Variants in PTPN13 observed in about 807,000 individuals in gnomAD.
The protein encoded by PTPN13 is protein tyrosine phosphatase non-receptor type 13, also known as tyrosine-protein phosphatase non-receptor type 13.
PTPN13 carries 191 observed loss-of-function variants against 284.0 expected under a neutral mutation model. The ratio of observed to expected loss-of-function variants is 0.67; its 90% CI spans 0.60 to 0.76. The LOEUF is 0.76. PTPN13 is among the 30% of genes least tolerant of loss of function. The pLI is 0.00. For synonymous variants in PTPN13, 986 were observed against 1,022.3 expected (o/e 0.96, Z 0.68); for missense variants, 2,797 against 2,939.9 (o/e 0.95, Z 1.12).
intron 1 of PTPN13, among the ~76,000 whole-genome samples, chr4:86,615,719 A>T (rs1332854181): frequency 6.6e-6 from 1 of 152,172 alleles, no homozygotes; most frequent in Non-Finnish European, 1.5e-5. Context: ...TAGAAGGTAC[A>T]TATATGATAC....
At chr4:86,695,544 C>G (rs1006820343) in intron 6 of PTPN13, among the ~76,000 whole-genome samples, 11 of 151,932 alleles carry the variant, frequency 7.2e-5, no homozygotes, top group Admixed American at 6.6e-4. Context: ...CAATAGCAAG[C>G]TGAAATAATC....
rs1432527539 is a variant in PTPN13, at chr4:86,625,708, G to A, written c.-5-9544G>A. On this transcript the variant is annotated intron_variant, in intron 1 of 47. Coordinates refer to ENST00000411767, the MANE Select transcript of PTPN13 (RefSeq NM_080683.3). ...ATTGTAGGACCTTTTCTTCCTGGTC[G>A]TTGGCTGGGATACACTTTTGGCTCC... Among the ~76,000 whole-genome samples the A allele has an allele frequency of 1.2e-4, 19 of 152,070 alleles. 1 individual carries two copies. Among genetic ancestry groups the A allele is most frequent in the Admixed American group, 8.5e-4 (13 of 15,262 alleles).
chr4:86,613,165 C>T lies in PTPN13; in HGVS notation c.-6+18376C>T, dbSNP rs547908848. Among the ~76,000 whole-genome samples the T allele has an allele frequency of 3.9e-5, 6 of 152,274 alleles. No individual in the cohort carries two copies. The South Asian group carries it at 1.0e-3, about 26-fold the overall frequency. On this transcript the variant is annotated intron_variant, in intron 1 of 47. Transcript: ENST00000411767. Reference sequence around the variant, plus strand: ...AAGTGCAGTAATGAAATAATAATGGCTAACATTTTGACTACTTACTGTGGG... The same window carrying T: ...AAGTGCAGTAATGAAATAATAATGGTTAACATTTTGACTACTTACTGTGGG...
intron 2 of PTPN13, among the ~76,000 whole-genome samples, chr4:86,669,688 A>C (rs1202349983): frequency 1.3e-5 from 2 of 152,054 alleles, no homozygotes; most frequent in Non-Finnish European, 2.9e-5. Flanking sequence ...GAAAAGGAAG[A>C]ATGTAGCAAG....
In PTPN13 at chr4:86,741,529, A is replaced by G. The variant is rs904780053; in HGVS notation, c.2305-105A>G. On this transcript the variant is annotated intron_variant, in intron 15 of 47. Coordinates refer to ENST00000411767, the MANE Select transcript of PTPN13 (RefSeq NM_080683.3). The stretch of plus-strand genomic sequence containing the variant: ...CTCCCATAACATGTGGGAATTCAAG[A>G]TGAGATTTGTGGGGGGACACGGCCA... 4 of 981,656 alleles carry G rather than the reference A, an allele frequency of 4.1e-6. No homozygotes were observed. The African/African-American group carries it at 6.5e-5, about 16-fold the overall frequency. 60.8% of individuals were successfully genotyped at this position (981,656 alleles called of 1,614,324 possible). A position where few individuals can be genotyped will look rare whatever the true frequency, so the allele number is the denominator to read the frequency against.
chr4:86,612,739 G>A (rs2148626312), intron 1 of PTPN13, among the ~76,000 whole-genome samples: 1 of 152,254 alleles, frequency 6.6e-6, no homozygotes, highest in South Asian at 2.1e-4. Flanking sequence ...AGGAAATTGG[G>A]TTACGTACAG....
At chr4:86,672,636 T>C in intron 3 of PTPN13, 93 bp downstream of exon 3, 1 of 1,008,446 alleles carries the variant, frequency 9.9e-7, no homozygotes, top group South Asian at 2.0e-5. Context: ...CTCTGAAAAA[T>C]CTATTGAGTT....
intron 1 of PTPN13, among the ~76,000 whole-genome samples, chr4:86,611,681 A>G (rs1383474672): frequency 3.3e-5 from 5 of 152,322 alleles, no homozygotes; most frequent in Admixed American, 2.6e-4. Flanking sequence ...GCTGCGGCAT[A>G]TGGTGGGAGA....
At chr4:86,780,230 C>T (rs1421415803) in intron 35 of PTPN13, among the ~76,000 whole-genome samples, 172 bp from the exon 36 acceptor site, 1 of 152,088 alleles carries the variant, frequency 6.6e-6, no homozygotes, top group Non-Finnish European at 1.5e-5. Context: ...AAAACCCCAT[C>T]TCTACAAAAA....
intron 15 of PTPN13, among the ~76,000 whole-genome samples, chr4:86,736,272 C>A (rs893144424): frequency 1.3e-5 from 2 of 152,140 alleles, no homozygotes; most frequent in East Asian, 1.9e-4. Context: ...AGACCTATAA[C>A]CAGCTTTCTA....
At chr4:86,737,871 G>A (rs1735707599) in intron 15 of PTPN13, among the ~76,000 whole-genome samples, 1 of 152,040 alleles carries the variant, frequency 6.6e-6, no homozygotes, top group African/African-American at 2.4e-5. Context: ...TGGGACTACA[G>A]GCACATGCCA....
chr4:86,634,388 T>C (rs369603511), intron 1 of PTPN13, among the ~76,000 whole-genome samples: 1 of 152,192 alleles, frequency 6.6e-6, no homozygotes, highest in African/African-American at 2.4e-5. Context: ...ATTTTCCTCT[T>C]TTAACATGAA....
intron 3 of PTPN13, among the ~76,000 whole-genome samples, chr4:86,676,711 CA>C (rs1728312122): frequency 6.6e-6 from 1 of 152,092 alleles, no homozygotes; most frequent in East Asian, 1.9e-4. Flanking sequence ...TCACATGCTA[CA>C]ATATGGATGA....
chr4:86,692,595 C>G (rs1730144553), intron 5 of PTPN13, among the ~76,000 whole-genome samples: 4 of 152,150 alleles, frequency 2.6e-5, no homozygotes, highest in Non-Finnish European at 5.9e-5. Flanking sequence ...ATTTGGCCAC[C>G]TGAATAAAAC....
intron 10 of PTPN13, among the ~76,000 whole-genome samples, chr4:86,731,561 A>G (rs1734959601): frequency 2.0e-5 from 3 of 152,212 alleles, no homozygotes; most frequent in South Asian, 4.1e-4. Flanking sequence ...GGGTTCCAAG[A>G]TAGTGATTAC....
At chr4:86,774,562 T>C (rs1411388786) in intron 33 of PTPN13, 31 bp downstream of exon 33, 7 of 1,553,716 alleles carry the variant, frequency 4.5e-6, no homozygotes, top group Non-Finnish European at 6.1e-6. Flanking sequence ...GGATTATTTG[T>C]GTAAATGTAG....
intron 40 of PTPN13, among the ~76,000 whole-genome samples, chr4:86,786,714 T>A (rs986649042): frequency 2.0e-5 from 3 of 152,228 alleles, no homozygotes; most frequent in African/African-American, 4.8e-5. Context: ...ATCACATTTT[T>A]ATTAATATTT....
chr4:86,657,010 G>A (rs1053758611), intron 2 of PTPN13, among the ~76,000 whole-genome samples: 1 of 152,194 alleles, frequency 6.6e-6, no homozygotes, highest in Non-Finnish European at 1.5e-5. Flanking sequence ...CTGTGGGCGT[G>A]GGAGCCTCCA....
chr4:86,809,496 G>A (rs540801808), intron 45 of PTPN13, among the ~76,000 whole-genome samples: 5 of 152,096 alleles, frequency 3.3e-5, no homozygotes, highest in Admixed American at 2.6e-4. Flanking sequence ...TCAGGAGTTC[G>A]AGAGCAGCCT....
Sources: allele counts gnomAD v4.1 joint callset (sites outside exome capture counted in the v4.1 genomes callset), GRCh38; gene constraint gnomAD v4.1.1; transcripts MANE v1.5; gene names NCBI Gene and HGNC (gene_info 2026-07-23, HGNC 2026-07-21).